Variants in R3HDM1 observed in about 807,000 individuals in gnomAD.
R3HDM1 encodes R3H domain containing 1, also known as R3H domain-containing protein 1.
A neutral mutation model predicts 141.1 loss-of-function variants in R3HDM1; 46 were observed. The ratio of observed to expected loss-of-function variants is 0.33; its 90% CI spans 0.26 to 0.42. The LOEUF (loss-of-function observed/expected upper bound fraction) is 0.42, where lower values mean the gene tolerates loss of function less well. Among genes scored for constraint, R3HDM1 ranks in the 10% least tolerant of loss-of-function variants. The pLI is 1.00. For synonymous variants in R3HDM1, 435 were observed against 472.9 expected, an observed-to-expected ratio of 0.92 and a Z score of 1.04; for missense variants, 1,184 against 1,368.3, an observed-to-expected ratio of 0.87 and a Z score of 2.12.
chr2:135,531,768 C>G (rs1048302255), intron 1 of R3HDM1, 135 bp downstream of exon 1: 1 of 985,620 alleles, frequency 1.0e-6, no homozygotes, highest in African/African-American at 1.7e-5. Flanking sequence ...GGAAAGGTGG[C>G]CTTCCCCGCC....
At position 135,692,558 on chromosome 2, in the gene R3HDM1, C is replaced by G. The variant is rs148456475; in HGVS notation, c.2459+12234C>G. Among the ~76,000 whole-genome samples, 453 of 152,270 alleles carry G rather than the reference C, an allele frequency of 3.0e-3. 2 individuals are homozygous for G. Among genetic ancestry groups the G allele is most frequent in the African/African-American group, 0.01 (427 of 41,566 alleles). On this transcript the variant is annotated intron_variant, in intron 21 of 26. Coordinates refer to ENST00000683871, the MANE Select transcript of R3HDM1 (RefSeq NM_001378107.1). ...AGTGAGCCAAGATCACGCCATTGCA[C>G]TCCAGCCTGGGCCAAAGAGCAAGAC... is the stretch of plus-strand genomic sequence containing the variant.
intron 7 of R3HDM1, among the ~76,000 whole-genome samples, chr2:135,630,484 A>G (rs1049581854): frequency 1.3e-5 from 2 of 152,100 alleles, no homozygotes; most frequent in Non-Finnish European, 2.9e-5. Flanking sequence ...ATCACCAAGT[A>G]GACATGTTTT....
At chr2:135,655,920 A>G (rs932586567) in intron 18 of R3HDM1, among the ~76,000 whole-genome samples, 2 of 152,154 alleles carry the variant, frequency 1.3e-5, no homozygotes, top group African/African-American at 4.8e-5. Flanking sequence ...TGCGTGGAAT[A>G]TGTAGGTCTC....
chr2:135,550,004 CT>C, intron 1 of R3HDM1: 1 of 972,316 alleles, frequency 1.0e-6, no homozygotes, highest in Non-Finnish European at 1.2e-6. Flanking sequence ...GTCAGTTCTA[CT>C]TTTCATAGCT....
At chr2:135,723,778 CAAAA>C (rs541423067) in intron 26 of R3HDM1, among the ~76,000 whole-genome samples, 155 bp from the exon 27 acceptor site, 41 of 55,306 alleles carry the variant, frequency 7.4e-4, no homozygotes, top group African/African-American at 2.7e-3. Context: ...CTCCATCTCC[CAAAA>C]AAAAAAAAAA....
intron 7 of R3HDM1, among the ~76,000 whole-genome samples, chr2:135,623,237 CTT>C (rs2061673039): frequency 6.6e-6 from 1 of 152,098 alleles, no homozygotes; most frequent in Non-Finnish European, 1.5e-5. Context: ...TAATTTTTAA[CTT>C]TTTGGCAACT....
At chr2:135,714,990 T>C (rs1486562589) in intron 23 of R3HDM1, among the ~76,000 whole-genome samples, 1 of 152,216 alleles carries the variant, frequency 6.6e-6, no homozygotes. Flanking sequence ...AAGCAAGTTT[T>C]GAAAGTAGGA....
chr2:135,715,751 T>A, intron 24 of R3HDM1, 57 bp downstream of exon 24: 1 of 1,544,790 alleles, frequency 6.5e-7, no homozygotes, highest in Middle Eastern at 1.7e-4. Context: ...CCATTCCCAG[T>A]CACTTGGTAA....
At chr2:135,674,380 C>G (rs1404752046) in intron 19 of R3HDM1, among the ~76,000 whole-genome samples, 1 of 152,120 alleles carries the variant, frequency 6.6e-6, no homozygotes, top group African/African-American at 2.4e-5. Flanking sequence ...TATTCTAGTT[C>G]AGTTCATCTT....
intron 1 of R3HDM1, among the ~76,000 whole-genome samples, chr2:135,545,823 T>A (rs576645220): frequency 6.6e-6 from 1 of 152,320 alleles, no homozygotes; most frequent in South Asian, 2.1e-4. Flanking sequence ...TTCTTAGTGT[T>A]TAAACAAAAG....
At chr2:135,564,276 A>T (rs757205597) in intron 1 of R3HDM1, among the ~76,000 whole-genome samples, 4 of 152,216 alleles carry the variant, frequency 2.6e-5, no homozygotes, top group Non-Finnish European at 4.4e-5. Flanking sequence ...TGAAATGTGC[A>T]TTCTGCAAAT....
chr2:135,635,246 A>G (rs967061636), intron 9 of R3HDM1, among the ~76,000 whole-genome samples: 3 of 152,212 alleles, frequency 2.0e-5, no homozygotes, highest in Admixed American at 6.5e-5. Flanking sequence ...ACTTTCAGGT[A>G]TAACACCAAA....
At chr2:135,691,333 G>T (rs1393338969) in intron 21 of R3HDM1, among the ~76,000 whole-genome samples, 2 of 151,772 alleles carry the variant, frequency 1.3e-5, no homozygotes, top group African/African-American at 4.8e-5. Context: ...TTTCTTTTAG[G>T]CTGGGCATGG....
intron 1 of R3HDM1, among the ~76,000 whole-genome samples, chr2:135,544,061 C>T (rs748303190): frequency 6.6e-6 from 1 of 152,204 alleles, no homozygotes; most frequent in Non-Finnish European, 1.5e-5. Flanking sequence ...AAGATAATGA[C>T]ATCTCCTTTT....
chr2:135,707,699 A>G (rs1448983203), intron 21 of R3HDM1, among the ~76,000 whole-genome samples: 4 of 152,084 alleles, frequency 2.6e-5, no homozygotes. Context: ...AGCCTAAAAA[A>G]CCTTCCACCT....
At chr2:135,561,111 T>A (rs1327826370) in intron 1 of R3HDM1, among the ~76,000 whole-genome samples, 7 of 152,160 alleles carry the variant, frequency 4.6e-5, no homozygotes, top group African/African-American at 1.7e-4. Context: ...ATTACTTGAC[T>A]TACTAGATCA....
intron 1 of R3HDM1, among the ~76,000 whole-genome samples, chr2:135,541,586 C>T (rs759213381): frequency 2.0e-5 from 3 of 152,018 alleles, no homozygotes; most frequent in Non-Finnish European, 4.4e-5. Flanking sequence ...GGGTATCAGC[C>T]AGTTGGTGGT....
chr2:135,635,286 G>C (rs971560312), intron 9 of R3HDM1, among the ~76,000 whole-genome samples: 5 of 152,102 alleles, frequency 3.3e-5, no homozygotes, highest in African/African-American at 1.2e-4. Context: ...CATAAGATAC[G>C]GCACTGCACT....
Position 135,645,481 on chromosome 2 carries a change from T to C in R3HDM1, c.1577T>C (p.Leu526Pro), listed in dbSNP as rs764653824. The C allele has an allele frequency of 1.2e-6, 2 of 1,614,160 alleles. No homozygotes were observed. The highest frequency in any genetic ancestry group is 1.1e-5 in the South Asian group (1 of 91,080). Residue 526 changes from leucine to proline, a missense_variant, in exon 16 of 27, where the codon CTG becomes CCG. Transcript: ENST00000683871. ...SQVPGPPQPPLPAPPQQPAAN... is the reference protein window; with the variant it reads ...SQVPGPPQPPPPAPPQQPAAN... ...GTGCCTGGACCTCCACAGCCACCTCTGCCAGCCCCACCTCAACAACCAGCA... is the reference window on the plus strand; with the variant it reads ...GTGCCTGGACCTCCACAGCCACCTCCGCCAGCCCCACCTCAACAACCAGCA...
Sources: gnomAD v4.1 joint callset for allele counts (sites outside exome capture counted in the v4.1 genomes callset) on GRCh38, gnomAD v4.1.1 for gene constraint, MANE v1.5 for transcripts, NCBI Gene and HGNC (gene_info 2026-07-23, HGNC 2026-07-21) for gene names.